The following CRACR2A variants were observed in gnomAD, a reference collection of about 807,000 sequenced individuals.
CRACR2A encodes the protein EF-hand calcium-binding domain-containing protein 4B.
CRACR2A carries 79 observed loss-of-function variants against 90.5 expected under a neutral mutation model. That is an observed-to-expected ratio of 0.87 (90% CI 0.73 to 1.05). The LOEUF is 1.05. CRACR2A is among the 50% of genes least tolerant of loss of function. The probability of loss-of-function intolerance (pLI) is 0.00; values close to 1 mark genes in which losing one functional copy is unlikely to be tolerated. For missense variants in CRACR2A, 823 were observed against 897.2 expected (o/e 0.92, Z 1.06); for synonymous variants, 338 against 356.7 (o/e 0.95, Z 0.59).
intron 3 of CRACR2A, among the ~76,000 whole-genome samples, chr12:3,707,575 C>T (rs1945946960): frequency 6.6e-6 from 1 of 152,198 alleles, no homozygotes; most frequent in Non-Finnish European, 1.5e-5. Context: ...CCAAACATAG[C>T]CACAGCATGG....
intron 15 of CRACR2A, among the ~76,000 whole-genome samples, chr12:3,628,460 G>A (rs1944318473): frequency 6.6e-6 from 1 of 152,108 alleles, no homozygotes. Flanking sequence ...CCCTTGAGAT[G>A]GATTAGAGCT....
At chr12:3,619,532 C>T (rs984271713) in intron 17 of CRACR2A, among the ~76,000 whole-genome samples, 160 bp from the exon 18 acceptor site, 2 of 152,186 alleles carry the variant, frequency 1.3e-5, no homozygotes, top group African/African-American at 2.4e-5. Context: ...AGAAAACAGC[C>T]GCCTTCTCCA....
intron 2 of CRACR2A, 52 bp from the exon 3 acceptor site, chr12:3,713,369 A>G: frequency 1.1e-6 from 1 of 938,796 alleles, no homozygotes; most frequent in Non-Finnish European, 1.3e-6. Context: ...TGAGGGTTAC[A>G]ACAGAAGTGG....
intron 10 of CRACR2A, among the ~76,000 whole-genome samples, chr12:3,649,121 C>G (rs999947975): frequency 2.0e-5 from 3 of 151,890 alleles, no homozygotes; most frequent in Non-Finnish European, 2.9e-5. Flanking sequence ...AGGAGATATA[C>G]CTAATGCTAA....
intron 1 of CRACR2A, among the ~76,000 whole-genome samples, chr12:3,733,954 A>T (rs1238634654): frequency 6.9e-6 from 1 of 144,070 alleles, no homozygotes; most frequent in African/African-American, 2.5e-5. Context: ...CTTTTCCTAG[A>T]CTGGACACAT....
chr12:3,703,657 A>G (rs1387727430), intron 3 of CRACR2A, among the ~76,000 whole-genome samples: 1 of 152,248 alleles, frequency 6.6e-6, no homozygotes, highest in Non-Finnish European at 1.5e-5. Context: ...GAGAAAAAGT[A>G]TTTACAAAAC....
chr12:3,625,085 T>C (rs1280818541), intron 17 of CRACR2A, among the ~76,000 whole-genome samples: 1 of 150,308 alleles, frequency 6.7e-6, no homozygotes, highest in Admixed American at 6.6e-5. Context: ...TTGGCTAATA[T>C]CTTAAAAAAA....
rs1047676977 is a variant in CRACR2A, at chr12:3,681,355, G to T, written c.229-1006C>A. ...AGGGGGACTGGACAAGATAGTGTGA[G>T]GAGGTTATCGCTGGATTTGAGTCTA... is the stretch of plus-strand genomic sequence containing the variant. On this transcript the variant is annotated intron_variant, in intron 4 of 19. Coordinates refer to ENST00000440314, the MANE Select transcript of CRACR2A (RefSeq NM_001144958.2). Among the ~76,000 whole-genome samples the T allele has an allele frequency of 4.8e-4, 73 of 152,230 alleles. 1 individual carries two copies. The highest frequency in any genetic ancestry group is 4.6e-3 in the Admixed American group (71 of 15,292).
chr12:3,745,056 A>T (rs1946589352), intron 1 of CRACR2A, among the ~76,000 whole-genome samples: 1 of 152,192 alleles, frequency 6.6e-6, no homozygotes, highest in Non-Finnish European at 1.5e-5. Flanking sequence ...AACATAAAGA[A>T]GAGTTGGATG....
At chr12:3,617,206 T>C (rs1008913963) in intron 18 of CRACR2A, among the ~76,000 whole-genome samples, 176 bp from the exon 19 acceptor site, 9 of 152,146 alleles carry the variant, frequency 5.9e-5, no homozygotes, top group African/African-American at 2.2e-4. Flanking sequence ...CTCCACAGCC[T>C]CCCTGACAAT....
chr12:3,693,562 T>A (rs1945688761), intron 4 of CRACR2A, among the ~76,000 whole-genome samples: 1 of 152,164 alleles, frequency 6.6e-6, no homozygotes, highest in Non-Finnish European at 1.5e-5. Context: ...TTTCTCCGCT[T>A]ATGAAGCTCA....
chr12:3,702,969 G>T (rs1446679866), intron 3 of CRACR2A, among the ~76,000 whole-genome samples: 1 of 152,142 alleles, frequency 6.6e-6, no homozygotes, highest in Non-Finnish European at 1.5e-5. Flanking sequence ...ATAGAACAGA[G>T]AAGCCAAAAA....
rs1322672674 is a variant in CRACR2A at position 3,619,830 on chromosome 12, T to G, written c.1933-458A>C. On this transcript the variant is annotated intron_variant, in intron 17 of 19. Transcript: ENST00000440314. ...TTTGGAGTTGTTCTGGAGGCTGCTT[T>G]GATTAGAAACTGCATCACTAGAGGC... Among the ~76,000 whole-genome samples, 6 of 152,246 alleles carry G rather than the reference T, an allele frequency of 3.9e-5. No homozygotes were observed. The East Asian group carries it at 1.2e-3, about 29-fold the overall frequency.
chr12:3,691,729 C>T (rs1171670644), intron 4 of CRACR2A, among the ~76,000 whole-genome samples: 1 of 152,214 alleles, frequency 6.6e-6, no homozygotes, highest in Non-Finnish European at 1.5e-5. Flanking sequence ...GGATGATATC[C>T]TGAAATATGT....
chr12:3,750,127 G>C (rs1946683903), intron 1 of CRACR2A, among the ~76,000 whole-genome samples: 3 of 150,630 alleles, frequency 2.0e-5, no homozygotes, highest in Admixed American at 6.6e-5. Flanking sequence ...GTAGAAATGA[G>C]GTTTTGCCAC....
At chr12:3,677,577 C>A (rs1014359941) in intron 6 of CRACR2A, among the ~76,000 whole-genome samples, 1 of 152,230 alleles carries the variant, frequency 6.6e-6, no homozygotes, top group Non-Finnish European at 1.5e-5. Flanking sequence ...ACCTGCACTG[C>A]CTTCTCCTTC....
chr12:3,681,670 A>G (rs1285108405), intron 4 of CRACR2A, among the ~76,000 whole-genome samples: 1 of 152,244 alleles, frequency 6.6e-6, no homozygotes, highest in African/African-American at 2.4e-5. Flanking sequence ...CTGACAGCTG[A>G]AAACAATGAA....
At position 3,627,517 on chromosome 12, in the gene CRACR2A, C is replaced by CT; in HGVS notation, c.1850dup (p.Ala618GlyfsTer41). ...CGTACATGACGATGACACCATCTGC[C>CT]TTTCTGAAGAACTGCTGGGTGATGC... is the stretch of plus-strand genomic sequence containing the variant. On this transcript the variant is annotated frameshift_variant, in exon 17 of 20. Transcript: ENST00000440314. LOFTEE classifies it high-confidence loss of function. The CT allele has an allele frequency of 6.4e-7, 1 of 1,551,752 alleles. No homozygotes were observed. The highest frequency in any genetic ancestry group is 1.2e-5 in the South Asian group (1 of 84,062).
chr12:3,684,369 G>C (rs1349931953), intron 4 of CRACR2A, among the ~76,000 whole-genome samples: 1 of 152,094 alleles, frequency 6.6e-6, no homozygotes, highest in Non-Finnish European at 1.5e-5. Context: ...GGCTGATTAC[G>C]TGGTATAGGC....
Sources: allele counts gnomAD v4.1 joint callset (sites outside exome capture counted in the v4.1 genomes callset), GRCh38; gene constraint gnomAD v4.1.1; transcripts MANE v1.5; gene names NCBI Gene and HGNC (gene_info 2026-07-23, HGNC 2026-07-21).